The following ARHGEF10 variants were observed in gnomAD, a reference collection of about 807,000 sequenced individuals.
ARHGEF10 encodes the protein Rho guanine nucleotide exchange factor 10.
ARHGEF10 carries 140 observed loss-of-function variants against 147.4 expected under a neutral mutation model. The observed-to-expected ratio is 0.95, with a 90% CI of 0.83 to 1.09. The LOEUF (loss-of-function observed/expected upper bound fraction) is 1.09. ARHGEF10 is among the 50% of genes least tolerant of loss of function. The probability of loss-of-function intolerance (pLI) is 0.00; values close to 1 mark genes in which losing one functional copy is unlikely to be tolerated. For missense variants in ARHGEF10, 2,222 were observed against 1,752.7 expected, an observed-to-expected ratio of 1.27 and a Z score of -4.78; for synonymous variants, 902 against 695.8, an observed-to-expected ratio of 1.30 and a Z score of -4.67.
At chr8:1,938,381 A>C (rs1004929150) in intron 26 of ARHGEF10, among the ~76,000 whole-genome samples, 1 of 152,238 alleles carries the variant, frequency 6.6e-6, no homozygotes, top group African/African-American at 2.4e-5. Flanking sequence ...ACAGCTGCTT[A>C]AAGTGCAAAC....
intron 1 of ARHGEF10, among the ~76,000 whole-genome samples, chr8:1,828,050 A>C (rs1802872601): frequency 1.3e-5 from 2 of 152,212 alleles, no homozygotes; most frequent in Non-Finnish European, 2.9e-5. Context: ...GGGGACTCAC[A>C]GTGGGGGTTT....
In ARHGEF10 at chr8:1,935,975, G is replaced by T. The variant is rs143462801; in HGVS notation, c.3222+2033G>T. ...AGCCCACCCGTGTCTGCTGTTAGTG[G>T]CCGTGTGACGTGCCAGCGTGTGTGT... is the stretch of plus-strand genomic sequence containing the variant. On this transcript the variant is annotated intron_variant, in intron 26 of 28. Coordinates refer to ENST00000349830, the MANE Select transcript of ARHGEF10 (RefSeq NM_014629.4). 6.8e-3 allele frequency among the ~76,000 whole-genome samples: 1,036 copies of T among 152,336 alleles called. 44 individuals carry two copies. The highest frequency in any genetic ancestry group is 0.064 in the Admixed American group (985 of 15,300).
chr8:1,884,959 C>T (rs557032766), intron 10 of ARHGEF10, among the ~76,000 whole-genome samples: 1 of 152,120 alleles, frequency 6.6e-6, no homozygotes, highest in Non-Finnish European at 1.5e-5. Flanking sequence ...GAGATGGAGT[C>T]TTGCTATGTT....
intron 3 of ARHGEF10, among the ~76,000 whole-genome samples, chr8:1,859,542 T>C (rs1342910592): frequency 2.0e-5 from 3 of 152,250 alleles, no homozygotes; most frequent in African/African-American, 7.2e-5. Flanking sequence ...GCATGGCGTT[T>C]CTTTGTGCAC....
intron 9 of ARHGEF10, among the ~76,000 whole-genome samples, chr8:1,880,392 TG>T (rs1474025784): frequency 1.3e-5 from 2 of 152,198 alleles, no homozygotes; most frequent in Non-Finnish European, 2.9e-5. Flanking sequence ...TCCACAGCTG[TG>T]GCCTCACCGC....
chr8:1,911,970 T>C (rs943136417), intron 18 of ARHGEF10, among the ~76,000 whole-genome samples: 6 of 152,232 alleles, frequency 3.9e-5, no homozygotes, highest in African/African-American at 1.4e-4. Context: ...AAATTCTCAT[T>C]CTCAGTCGAT....
In ARHGEF10 at chr8:1,876,754, G is replaced by A. The variant is rs1416146926; in HGVS notation, c.843+20G>A. 1.9e-6 allele frequency: 3 copies of A among 1,613,900 alleles called. No homozygotes were observed. Among genetic ancestry groups the A allele is most frequent in the South Asian group, 1.1e-5 (1 of 91,078 alleles). The stretch of plus-strand genomic sequence containing the variant: ...AAGCAAGTACGTGTTCCCTGCACAT[G>A]TGAGGGATGGTTCTCTCGCGTTAAC... On this transcript the variant is annotated intron_variant, in intron 8 of 28. Coordinates refer to ENST00000349830, the MANE Select transcript of ARHGEF10 (RefSeq NM_014629.4).
At chr8:1,903,479 T>G in intron 16 of ARHGEF10, 28 bp downstream of exon 16, 2 of 1,612,852 alleles carry the variant, frequency 1.2e-6, no homozygotes, top group Non-Finnish European at 8.5e-7. Context: ...TCAACTCTAT[T>G]CCAAAATTAT....
At chr8:1,904,156 T>C (rs994524689) in intron 16 of ARHGEF10, 1 of 152,204 alleles carries the variant, frequency 6.6e-6, no homozygotes, top group Admixed American at 6.5e-5. Context: ...CTAAGCTGCA[T>C]TGAGCGTGAA....
chr8:1,888,229 A>ACACTGCATGGGGTGAACTTTGTTAGGAGG (rs1808933447), intron 11 of ARHGEF10, among the ~76,000 whole-genome samples: 1 of 56,960 alleles, frequency 1.8e-5, no homozygotes. Flanking sequence ...TTGCGAGGAG[A>ACACTGCATGGGGTGAACTTTGTTAGGAGG]CAGTGAGTGT....
At chr8:1,842,362 G>C (rs1382920497) in intron 1 of ARHGEF10, among the ~76,000 whole-genome samples, 1 of 152,198 alleles carries the variant, frequency 6.6e-6, no homozygotes, top group Non-Finnish European at 1.5e-5. Flanking sequence ...AAGGGAATTC[G>C]CCGGCCTGGT....
intron 9 of ARHGEF10, among the ~76,000 whole-genome samples, chr8:1,880,790 G>C (rs538674361): frequency 6.6e-6 from 1 of 152,296 alleles, no homozygotes; most frequent in South Asian, 2.1e-4. Context: ...CTTTTATCCT[G>C]CTGGTATTTT....
intron 26 of ARHGEF10, among the ~76,000 whole-genome samples, chr8:1,935,941 T>A (rs950249546): frequency 5.9e-5 from 9 of 152,206 alleles, no homozygotes; most frequent in African/African-American, 2.2e-4. Context: ...GAGGCTGTGG[T>A]GCCTGATGAG....
intron 16 of ARHGEF10, 75 bp downstream of exon 16, chr8:1,903,526 A>G (rs747897670): frequency 3.8e-6 from 6 of 1,571,820 alleles, no homozygotes; most frequent in Middle Eastern, 1.7e-4. Context: ...TTGTCCAGCA[A>G]TACTAATCTT....
intron 27 of ARHGEF10, among the ~76,000 whole-genome samples, chr8:1,951,419 G>A (rs1010152333): frequency 6.6e-6 from 1 of 152,224 alleles, no homozygotes; most frequent in Non-Finnish European, 1.5e-5. Flanking sequence ...GAATTCCTGG[G>A]ACATGCATAT....
At chr8:1,942,939 G>A (rs1357948553) in intron 26 of ARHGEF10, among the ~76,000 whole-genome samples, 5 of 152,194 alleles carry the variant, frequency 3.3e-5, no homozygotes, top group Non-Finnish European at 5.9e-5. Flanking sequence ...GGGGAAGGGG[G>A]CATAAGGGTG....
At chr8:1,879,936 G>C in intron 8 of ARHGEF10, 112 bp from the exon 9 acceptor site, 1 of 813,402 alleles carries the variant, frequency 1.2e-6, no homozygotes, top group Non-Finnish European at 2.2e-6. Context: ...CCCCAGCCAG[G>C]ACAGGCCTGA....
intron 4 of ARHGEF10, among the ~76,000 whole-genome samples, chr8:1,863,868 C>T (rs1806358486): frequency 6.6e-6 from 1 of 151,598 alleles, no homozygotes; most frequent in South Asian, 2.1e-4. Flanking sequence ...GGGATGTGAG[C>T]GTGTGCCAGT....
chr8:1,882,766 C>T lies in ARHGEF10; in HGVS notation c.1075+17C>T, dbSNP rs1443398972. 4 of 1,471,146 alleles carry T rather than the reference C, an allele frequency of 2.7e-6. No homozygotes were observed. The highest frequency in any genetic ancestry group is 3.6e-6 in the Non-Finnish European group (4 of 1,103,534). The allele number at this position is 1,471,146 out of a possible 1,614,324, so 91.1% of individuals were successfully genotyped here. On this transcript the variant is annotated intron_variant, in intron 10 of 28. Transcript: ENST00000349830. The stretch of plus-strand genomic sequence containing the variant: ...TCGCACAGGGTCCGTGCCTGCAGGT[C>T]TTCTTGCGGGGAGGACACGGGGTTG...
Sources: allele counts gnomAD v4.1 joint callset (sites outside exome capture counted in the v4.1 genomes callset), GRCh38; gene constraint gnomAD v4.1.1; transcripts MANE v1.5; gene names NCBI Gene and HGNC (gene_info 2026-07-23, HGNC 2026-07-21).